The following DNAJC24 variants were observed in gnomAD, a reference collection of about 807,000 sequenced individuals.
DNAJC24 encodes the protein dnaJ homolog subfamily C member 24.
In DNAJC24, 17 loss-of-function variants were observed where a neutral mutation model predicts 18.0. The ratio of observed to expected loss-of-function variants is 0.94; its 90% CI spans 0.65 to 1.42. The LOEUF (loss-of-function observed/expected upper bound fraction) is 1.42. Ranked by LOEUF, DNAJC24 falls within the 40% of genes most tolerant of loss-of-function variation. DNAJC24 has a pLI of 0.00. For missense variants in DNAJC24, 158 were observed against 175.6 expected, an observed-to-expected ratio of 0.90 and a Z score of 0.57; for synonymous variants, 55 against 57.7, an observed-to-expected ratio of 0.95 and a Z score of 0.21.
intron 2 of DNAJC24, among the ~76,000 whole-genome samples, chr11:31,391,593 A>G (rs547827357): frequency 2.0e-5 from 3 of 152,348 alleles, no homozygotes; most frequent in South Asian, 2.1e-4. Context: ...CTTCTATTAA[A>G]AAGACAATAA....
chr11:31,422,955 G>A (rs1408089256), intron 3 of DNAJC24, among the ~76,000 whole-genome samples: 2 of 152,132 alleles, frequency 1.3e-5, no homozygotes, highest in African/African-American at 4.8e-5. Flanking sequence ...TTTTACTTGT[G>A]TGTACCACGT....
At chr11:31,383,529 A>G (rs1243294380) in intron 2 of DNAJC24, among the ~76,000 whole-genome samples, 1 of 152,206 alleles carries the variant, frequency 6.6e-6, no homozygotes, top group Admixed American at 6.5e-5. Context: ...GATTTTCAAG[A>G]GTAGTTTTGA....
chr11:31,421,986 C>A (rs1230733773), intron 3 of DNAJC24: 1 of 444,168 alleles, frequency 2.3e-6, no homozygotes, highest in Admixed American at 2.5e-5. Context: ...ATAAACCTCT[C>A]TGATGAGTCC....
intron 3 of DNAJC24, among the ~76,000 whole-genome samples, chr11:31,423,683 T>G (rs1367158125): frequency 6.6e-6 from 1 of 152,208 alleles, no homozygotes; most frequent in Non-Finnish European, 1.5e-5. Flanking sequence ...TATATTTTTT[T>G]GTCAGATACT....
intron 2 of DNAJC24, among the ~76,000 whole-genome samples, chr11:31,383,871 T>C (rs762884858): frequency 2.0e-5 from 3 of 152,250 alleles, no homozygotes; most frequent in Non-Finnish European, 4.4e-5. Context: ...TCTGTTCTAA[T>C]AATCTGTCCT....
chr11:31,417,017 A>G, intron 3 of DNAJC24: 1 of 152,112 alleles, frequency 6.6e-6, no homozygotes. Context: ...TGAGAGTTGG[A>G]CCTGATTCAT....
intron 2 of DNAJC24, among the ~76,000 whole-genome samples, chr11:31,403,373 G>A (rs1952621891): frequency 6.6e-6 from 1 of 152,084 alleles, no homozygotes; most frequent in African/African-American, 2.4e-5. Context: ...TTATATATAA[G>A]GGTTTTTAAA....
chr11:31,406,099 C>CT (rs915477449), intron 2 of DNAJC24, among the ~76,000 whole-genome samples: 18 of 149,540 alleles, frequency 1.2e-4, no homozygotes, highest in Admixed American at 3.3e-4. Flanking sequence ...GCTACAAATC[C>CT]TTTTTTTTTT....
chr11:31,432,641 ATCTG>A lies in DNAJC24; in HGVS notation c.*2243_*2246del. 1.0e-6 allele frequency: 1 copy of A among 1,002,164 alleles called. No homozygotes were observed. Among genetic ancestry groups the A allele is most frequent in the Non-Finnish European group, 1.6e-6 (1 of 626,554 alleles). The allele number at this position is 1,002,164 out of a possible 1,614,324, so 62.1% of individuals were successfully genotyped here. A position where few individuals can be genotyped will look rare whatever the true frequency, so the allele number is the denominator to read the frequency against. On this transcript the variant is annotated 3_prime_UTR_variant, in exon 5 of 5. Transcript: ENST00000465995. ...TAGTATCATCATATTCCCTTTTGCT[ATCTG>A]TCCCTTTTCTCTATGCCAGATAAAC...
At chr11:31,389,119 A>G (rs1952461131) in intron 2 of DNAJC24, among the ~76,000 whole-genome samples, 1 of 152,178 alleles carries the variant, frequency 6.6e-6, no homozygotes, top group South Asian at 2.1e-4. Flanking sequence ...CAAAACAACC[A>G]GAAAACAGAT....
Position 31,432,665 on chromosome 11 carries a change from A to T in DNAJC24, c.*2264A>T. The T allele has an allele frequency of 1.3e-6, 1 of 788,988 alleles. No individual in the cohort carries two copies. Among genetic ancestry groups the T allele is most frequent in the East Asian group, 2.5e-5 (1 of 39,718 alleles). 48.9% of individuals were successfully genotyped at this position (788,988 alleles called of 1,614,324 possible). A position where few individuals can be genotyped will look rare whatever the true frequency, so the allele number is the denominator to read the frequency against. Reference sequence around the variant, plus strand: ...TATCTGTCCCTTTTCTCTATGCCAGATAAACACTTTCTCCTTACTCATCAA... The same window carrying T: ...TATCTGTCCCTTTTCTCTATGCCAGTTAAACACTTTCTCCTTACTCATCAA... On this transcript the variant is annotated 3_prime_UTR_variant, in exon 5 of 5. Coordinates refer to ENST00000465995, the MANE Select transcript of DNAJC24 (RefSeq NM_181706.5).
chr11:31,387,417 T>G (rs1332280100), intron 2 of DNAJC24, among the ~76,000 whole-genome samples: 1 of 152,102 alleles, frequency 6.6e-6, no homozygotes, highest in African/African-American at 2.4e-5. Flanking sequence ...AGAGAGACTG[T>G]ATTTGGGGGA....
At chr11:31,429,461 A>G (rs1952897972) in intron 4 of DNAJC24, 1 of 384,834 alleles carries the variant, frequency 2.6e-6, no homozygotes, top group South Asian at 1.8e-5. Flanking sequence ...AATGTGACTG[A>G]TAAGTTATTT....
At chr11:31,420,768 A>AT (rs540288068) in intron 3 of DNAJC24, among the ~76,000 whole-genome samples, 2 of 152,038 alleles carry the variant, frequency 1.3e-5, no homozygotes, top group Non-Finnish European at 2.9e-5. Context: ...ATTCAAAGCC[A>AT]TTTTTTCTCA....
chr11:31,413,774 C>T (rs1952731399), intron 2 of DNAJC24, among the ~76,000 whole-genome samples: 1 of 152,084 alleles, frequency 6.6e-6, no homozygotes, highest in African/African-American at 2.4e-5. Context: ...CTGGGAGTTC[C>T]TTATTTACTT....
intron 2 of DNAJC24, among the ~76,000 whole-genome samples, chr11:31,413,491 T>C (rs994832897): frequency 6.6e-6 from 1 of 151,814 alleles, no homozygotes; most frequent in Non-Finnish European, 1.5e-5. Flanking sequence ...CCACCACACC[T>C]GGCCAATATT....
intron 3 of DNAJC24, chr11:31,417,051 T>G (rs1952757078): frequency 6.6e-6 from 1 of 152,076 alleles, no homozygotes; most frequent in African/African-American, 2.4e-5. Flanking sequence ...AGTTTGGAAT[T>G]TATACAATAT....
intron 2 of DNAJC24, among the ~76,000 whole-genome samples, chr11:31,374,663 T>C (rs1282723227): frequency 7.4e-6 from 1 of 134,800 alleles, no homozygotes; most frequent in Non-Finnish European, 1.7e-5. Context: ...GGTGGAGGGC[T>C]AACCATTTTT....
Position 31,375,309 on chromosome 11 carries a change from C to A in DNAJC24, c.111+4450C>A, listed in dbSNP as rs612888. The stretch of plus-strand genomic sequence containing the variant: ...CACTACCTCACCTGATTCTCACTCA[C>A]TGTTTCAAAATGATCTTAGTTGTAA... On this transcript the variant is annotated intron_variant, in intron 2 of 4. Transcript: ENST00000465995. Among the ~76,000 whole-genome samples, 2 of 135,028 alleles carry A rather than the reference C, an allele frequency of 1.5e-5. 1 individual carries two copies. The highest frequency in any genetic ancestry group is 3.4e-5 in the Non-Finnish European group (2 of 58,606). The allele number at this position is 135,028 out of a possible 152,430, so 88.6% of individuals were successfully genotyped here.
Sources: allele counts gnomAD v4.1 joint callset (sites outside exome capture counted in the v4.1 genomes callset), GRCh38; gene constraint gnomAD v4.1.1; transcripts MANE v1.5; gene names NCBI Gene and HGNC (gene_info 2026-07-23, HGNC 2026-07-21).